NOMO2: variants seen among roughly 807,000 people sequenced by gnomAD.
NOMO2 encodes the protein NODAL modulator 2.
A neutral mutation model predicts 67.1 loss-of-function variants in NOMO2; 14 were observed. The observed-to-expected ratio is 0.21, with a 90% CI of 0.14 to 0.33. The LOEUF is 0.33. Among genes scored for constraint, NOMO2 ranks in the 10% least tolerant of loss-of-function variants. The pLI is 1.00. For synonymous variants in NOMO2, 80 were observed against 305.9 expected (o/e 0.26, Z 7.71); for missense variants, 178 against 761.0 (o/e 0.23, Z 9.01).
chr16:18,548,321 G>C lies in NOMO2; in HGVS notation c.510-1021C>G, dbSNP rs398284. Among the ~76,000 whole-genome samples, 579 of 150,702 alleles carry C rather than the reference G, an allele frequency of 3.8e-3. 2 individuals carry two copies. Among genetic ancestry groups the C allele is most frequent in the Middle Eastern group, 0.014 (4 of 290 alleles). On this transcript the variant is annotated intron_variant, in intron 5 of 30. Transcript: ENST00000622306. ...CTCCATATTCCTGCTACACACCAGG[G>C]CTGGAGAGGCACCAGTCAAGCAGAA...
chr16:18,538,723 T>C lies in NOMO2; in HGVS notation c.1070-47A>G, dbSNP rs770271868. On this transcript the variant is annotated intron_variant, in intron 10 of 30. Coordinates refer to ENST00000622306, the MANE Select transcript of NOMO2 (RefSeq NM_173614.4). ...ACAGAAGATAAGCCAAAAATAACAG[T>C]GTATCCTTACATGTACACCAGAATA... 5.6e-6 allele frequency: 9 copies of C among 1,613,490 alleles called. No homozygotes were observed. The Admixed American group carries it at 1.2e-4, about 21-fold the overall frequency.
At chr16:18,557,874 C>A (rs1201924080) in intron 1 of NOMO2, 83 bp from the exon 2 acceptor site, 2 of 1,590,622 alleles carry the variant, frequency 1.3e-6, no homozygotes, top group Non-Finnish European at 1.7e-6. Context: ...TGCACTCAGT[C>A]AGTATACATT....
chr16:18,528,145 G>C (rs1376340445), intron 15 of NOMO2: 1 of 451,062 alleles, frequency 2.2e-6, no homozygotes, highest in Non-Finnish European at 4.4e-6. Context: ...GGGAGAGTAT[G>C]TGCAAAGGCC....
intron 14 of NOMO2, among the ~76,000 whole-genome samples, chr16:18,530,793 G>T (rs1284541329): frequency 6.3e-5 from 5 of 79,696 alleles, no homozygotes; most frequent in East Asian, 6.2e-4. Context: ...AATGCCATAC[G>T]TCGGGGCACC....
At chr16:18,529,355 T>C (rs947672861) in intron 15 of NOMO2, 146 bp downstream of exon 15, 95 of 1,551,426 alleles carry the variant, frequency 6.1e-5, no homozygotes, top group Admixed American at 1.8e-5. Flanking sequence ...TTCCTGATTA[T>C]GCGTTGCGTA....
At chr16:18,557,001 C>A (rs1409196009) in intron 2 of NOMO2, among the ~76,000 whole-genome samples, 1 of 151,910 alleles carries the variant, frequency 6.6e-6, no homozygotes, top group Non-Finnish European at 1.5e-5. Context: ...GTGGCAGGTG[C>A]CTGTAATCCC....
At chr16:18,552,103 C>G (rs1901800568) in intron 3 of NOMO2, among the ~76,000 whole-genome samples, 2 of 149,442 alleles carry the variant, frequency 1.3e-5, no homozygotes, top group African/African-American at 4.9e-5. Flanking sequence ...CATGTTAAAC[C>G]AGGAACACAA....
intron 5 of NOMO2, among the ~76,000 whole-genome samples, chr16:18,548,437 T>C (rs1901701286): frequency 6.6e-6 from 1 of 151,282 alleles, no homozygotes; most frequent in African/African-American, 2.4e-5. Flanking sequence ...AAACTTCTAT[T>C]TTGCAATTTA....
chr16:18,539,802 C>T (rs1365594744), intron 9 of NOMO2, among the ~76,000 whole-genome samples: 1 of 151,994 alleles, frequency 6.6e-6, no homozygotes, highest in East Asian at 1.9e-4. Context: ...ATCACTGGCT[C>T]ACACGTGGTC....
intron 11 of NOMO2, among the ~76,000 whole-genome samples, chr16:18,535,327 A>T (rs2141726904): frequency 6.6e-6 from 1 of 152,126 alleles, no homozygotes; most frequent in South Asian, 2.1e-4. Context: ...AAAAAAAAAT[A>T]AAAAGGAAAA....
chr16:18,550,923 G>A (rs1353096190), intron 4 of NOMO2, among the ~76,000 whole-genome samples: 1 of 151,704 alleles, frequency 6.6e-6, no homozygotes, highest in Non-Finnish European at 1.5e-5. Flanking sequence ...TATGGGAGGT[G>A]GAGGCAGGCG....
chr16:18,560,164 A>T (rs1902005611), intron 1 of NOMO2, among the ~76,000 whole-genome samples: 2 of 151,950 alleles, frequency 1.3e-5, no homozygotes, highest in Admixed American at 6.6e-5. Flanking sequence ...TACAATCAGG[A>T]CACAGGATGG....
chr16:18,538,735 T>C (rs1901479963), intron 10 of NOMO2, 59 bp from the exon 11 acceptor site: 1 of 1,613,054 alleles, frequency 6.2e-7, no homozygotes, highest in South Asian at 1.1e-5. Flanking sequence ...TATCCTTACA[T>C]GTACACCAGA....
At chr16:18,557,992 G>C (rs1034085234) in intron 1 of NOMO2, among the ~76,000 whole-genome samples, 7 of 151,940 alleles carry the variant, frequency 4.6e-5, no homozygotes, top group South Asian at 2.1e-4. Flanking sequence ...TTTCAGATTA[G>C]AAACCACCTA....
chr16:18,533,821 C>T (rs1196258726), intron 11 of NOMO2: 1 of 152,220 alleles, frequency 6.6e-6, no homozygotes, highest in African/African-American at 2.4e-5. Context: ...ATTTGAGATT[C>T]TAAATAAGGA....
At chr16:18,539,967 T>A (rs1029659335) in intron 9 of NOMO2, among the ~76,000 whole-genome samples, 6 of 151,446 alleles carry the variant, frequency 4.0e-5, no homozygotes, top group African/African-American at 1.5e-4. Context: ...TTCATCAAAC[T>A]TACCAGTATC....
chr16:18,533,117 T>C lies in NOMO2; in HGVS notation c.1283A>G (p.Lys428Arg). Residue 428 changes from lysine to arginine, a missense_variant, in exon 12 of 31, where the codon AAA becomes AGA. By Grantham distance (26) the Lys-to-Arg change is conservative. Coordinates refer to ENST00000622306, the MANE Select transcript of NOMO2 (RefSeq NM_173614.4). ...TTGAGATGACAGGACAACTTTGTAT[T>C]TATTCATCTGCTTGACGGTGTCCGG... is the stretch of plus-strand genomic sequence containing the variant. ...RFPDTVKQMN[K>R]YKVVLSSQDK... 3 of 1,611,416 alleles carry C rather than the reference T, an allele frequency of 1.9e-6. No individual in the cohort carries two copies. Among genetic ancestry groups the C allele is most frequent in the Non-Finnish European group, 2.5e-6 (3 of 1,179,732 alleles).
At chr16:18,560,661 C>T (rs1246371561) in intron 1 of NOMO2, among the ~76,000 whole-genome samples, 1 of 151,754 alleles carries the variant, frequency 6.6e-6, no homozygotes, top group African/African-American at 2.4e-5. Context: ...GATCACGGAT[C>T]CGCTTGTTAA....
chr16:18,560,365 G>A (rs1449540300), intron 1 of NOMO2, among the ~76,000 whole-genome samples: 1 of 151,112 alleles, frequency 6.6e-6, no homozygotes, highest in Non-Finnish European at 1.5e-5. Context: ...AGGGTGGAGG[G>A]GGGTGCCTGT....
Sources: gnomAD v4.1 joint callset for allele counts (sites outside exome capture counted in the v4.1 genomes callset) on GRCh38, gnomAD v4.1.1 for gene constraint, MANE v1.5 for transcripts, NCBI Gene and HGNC (gene_info 2026-07-23, HGNC 2026-07-21) for gene names.